CAP2: variants seen among roughly 807,000 people sequenced by gnomAD.
The protein encoded by CAP2 is cyclase associated actin cytoskeleton regulatory protein 2.
A neutral mutation model predicts 57.7 loss-of-function variants in CAP2; 24 were observed. The observed-to-expected ratio is 0.42, with a 90% CI of 0.30 to 0.58. CAP2 has a LOEUF of 0.58. Among genes scored for constraint, CAP2 ranks in the 20% least tolerant of loss-of-function variants. The pLI is 0.22. For missense variants in CAP2, 501 were observed against 590.3 expected (o/e 0.85, Z 1.57); for synonymous variants, 194 against 207.2 (o/e 0.94, Z 0.55).
Position 17,541,148 on chromosome 6 carries a change from G to C in CAP2, c.1002G>C (p.Val334=). ...VLELEGKKWR[V]EYQEDRNDLV... ...AGTTGGAAGGAAAGAAATGGAGAGT[G>C]GTAAGTGAAGCATTTTAACCTTTAT... The change falls in exon 9 of 13, where the codon GTG becomes GTC. Residue 334 remains valine, a splice_region_variant and synonymous_variant. Coordinates refer to ENST00000229922, the MANE Select transcript of CAP2 (RefSeq NM_006366.3). 1 of 1,607,318 alleles carries C rather than the reference G, an allele frequency of 6.2e-7. No individual in the cohort carries two copies. Among genetic ancestry groups the C allele is most frequent in the Non-Finnish European group, 8.5e-7 (1 of 1,175,792 alleles).
chr6:17,526,956 CAAAAAA>C (rs1221212193), intron 7 of CAP2, among the ~76,000 whole-genome samples: 2 of 80,114 alleles, frequency 2.5e-5, no homozygotes, highest in Non-Finnish European at 4.6e-5. Flanking sequence ...GACTCTGTCT[CAAAAAA>C]AAAAAAAAAA....
chr6:17,435,725 AAAAAAAAC>A (rs1358529086), intron 3 of CAP2, among the ~76,000 whole-genome samples: 5 of 148,594 alleles, frequency 3.4e-5, no homozygotes, highest in African/African-American at 1.3e-4. Context: ...GATAAAAAAA[AAAAAAAAC>A]AAAAAAAAAA....
At chr6:17,511,507 A>G (rs1314789101) in intron 6 of CAP2, among the ~76,000 whole-genome samples, 5 of 152,078 alleles carry the variant, frequency 3.3e-5, no homozygotes, top group Non-Finnish European at 5.9e-5. Context: ...GCTGGAGTGC[A>G]GTGACACGAT....
intron 7 of CAP2, chr6:17,531,802 C>T (rs1316888130): frequency 3.5e-6 from 2 of 570,894 alleles, no homozygotes; most frequent in Non-Finnish European, 6.2e-6. Flanking sequence ...ACCTGCAAAT[C>T]ACCCAGACCG....
intron 4 of CAP2, among the ~76,000 whole-genome samples, chr6:17,474,970 G>A (rs575844579): frequency 6.6e-6 from 1 of 152,210 alleles, no homozygotes; most frequent in East Asian, 1.9e-4. Context: ...GCCGAGGCGG[G>A]CGGATCACAA....
chr6:17,487,469 G>A (rs1161616814), intron 4 of CAP2, among the ~76,000 whole-genome samples: 1 of 151,926 alleles, frequency 6.6e-6, no homozygotes, highest in East Asian at 1.9e-4. Context: ...TTGTTTGTTT[G>A]TTTGTTTGTT....
rs571288872 is a variant in CAP2 at position 17,405,015 on chromosome 6, A to T, written c.-2+11269A>T. Among the ~76,000 whole-genome samples the T allele has an allele frequency of 1.1e-4, 17 of 152,256 alleles. No individual in the cohort carries two copies. In the South Asian group the frequency reaches 3.1e-3, roughly 28 times the overall value. On this transcript the variant is annotated intron_variant, in intron 1 of 12. Transcript: ENST00000229922. ...GGATACGTTCTAAGACCCCCTGTTG[A>T]TGCCTGAAAGCATGGATAGTACCAA... is the stretch of plus-strand genomic sequence containing the variant.
At chr6:17,490,456 G>A (rs1003548037) in intron 4 of CAP2, among the ~76,000 whole-genome samples, 1 of 152,164 alleles carries the variant, frequency 6.6e-6, no homozygotes, top group African/African-American at 2.4e-5. Context: ...ACACCATATG[G>A]ATTTCTTAAA....
At chr6:17,457,446 T>C (rs1760602948) in intron 3 of CAP2, among the ~76,000 whole-genome samples, 1 of 152,198 alleles carries the variant, frequency 6.6e-6, no homozygotes, top group Admixed American at 6.5e-5. Flanking sequence ...AAGGGACTCA[T>C]GGAACTTTCC....
rs150342019 is a variant in CAP2, at chr6:17,442,169, TGAAA to T, written c.222+15482_222+15485del. 5.8e-3 allele frequency among the ~76,000 whole-genome samples: 891 copies of T among 152,322 alleles called. 9 individuals carry two copies. Among genetic ancestry groups the T allele is most frequent in the African/African-American group, 0.02 (837 of 41,582 alleles). On this transcript the variant is annotated intron_variant, in intron 3 of 12. Transcript: ENST00000229922. ...GAATCCTCACTGGAGTTGCTGAATC[TGAAA>T]GAGATTCCTCTACTCCTTAGAGCTC...
At chr6:17,418,028 T>C (rs1048001922) in intron 1 of CAP2, among the ~76,000 whole-genome samples, 13 of 152,172 alleles carry the variant, frequency 8.5e-5, no homozygotes, top group Admixed American at 6.5e-4. Context: ...TAAATCCACT[T>C]TGGAATGCTA....
chr6:17,475,765 G>A (rs1561796858), intron 4 of CAP2, among the ~76,000 whole-genome samples: 1 of 152,224 alleles, frequency 6.6e-6, no homozygotes, highest in South Asian at 2.1e-4. Context: ...GTAAATTGTG[G>A]AAAACGGTAC....
chr6:17,517,666 T>A (rs911088312), intron 7 of CAP2, among the ~76,000 whole-genome samples: 1 of 152,128 alleles, frequency 6.6e-6, no homozygotes, highest in Non-Finnish European at 1.5e-5. Flanking sequence ...TTTGGAAGGC[T>A]GAGGCAGGTG....
chr6:17,532,933 T>C (rs528013333), intron 7 of CAP2, among the ~76,000 whole-genome samples: 10 of 148,848 alleles, frequency 6.7e-5, no homozygotes, highest in African/African-American at 1.5e-4. Context: ...GGCGTGGTGG[T>C]GCACTCCTGT....
At position 17,538,852 on chromosome 6, in the gene CAP2, C is replaced by A. The variant is rs571805601; in HGVS notation, c.637-417C>A. ...CTGAATATTTTTACCCTTCCCCACA[C>A]CCCATTGGTGGTCACAGTTTCCAGT... On this transcript the variant is annotated intron_variant, in intron 7 of 12. Coordinates refer to ENST00000229922, the MANE Select transcript of CAP2 (RefSeq NM_006366.3). Among the ~76,000 whole-genome samples the A allele has an allele frequency of 1.1e-4, 17 of 152,346 alleles. No homozygotes were observed. In the East Asian group the frequency reaches 2.5e-3, roughly 22 times the overall value.
chr6:17,417,639 C>A (rs1226917954), intron 1 of CAP2, among the ~76,000 whole-genome samples: 1 of 152,116 alleles, frequency 6.6e-6, no homozygotes, highest in Non-Finnish European at 1.5e-5. Flanking sequence ...TTTTTCCCCA[C>A]ACACACTCAC....
intron 4 of CAP2, among the ~76,000 whole-genome samples, chr6:17,500,757 A>G (rs1041806303): frequency 6.6e-6 from 1 of 152,196 alleles, no homozygotes; most frequent in Non-Finnish European, 1.5e-5. Context: ...TAGAAGATTT[A>G]GAATATATAG....
intron 4 of CAP2, among the ~76,000 whole-genome samples, chr6:17,474,813 A>T (rs1024567442): frequency 1.3e-5 from 2 of 152,112 alleles, no homozygotes; most frequent in Non-Finnish European, 1.5e-5. Flanking sequence ...TTTCTGACAT[A>T]TTGTGGTCTT....
In CAP2 at chr6:17,540,938, TA is replaced by T. The variant is rs764744365; in HGVS notation, c.827-31del. The T allele has an allele frequency of 1.9e-6, 3 of 1,573,638 alleles. No individual in the cohort carries two copies. In the South Asian group the frequency reaches 3.4e-5, roughly 18 times the overall value. ...CAAGTTAGAGACATTTCCCTTTGCA[TA>T]AAATAAATGTGTCCATGTGTGTTGT... On this transcript the variant is annotated intron_variant, in intron 8 of 12. Coordinates refer to ENST00000229922, the MANE Select transcript of CAP2 (RefSeq NM_006366.3).
Sources: allele counts gnomAD v4.1 joint callset (sites outside exome capture counted in the v4.1 genomes callset), GRCh38; gene constraint gnomAD v4.1.1; transcripts MANE v1.5; gene names NCBI Gene and HGNC (gene_info 2026-07-23, HGNC 2026-07-21).